ANKS1B: variants seen among roughly 807,000 people sequenced by gnomAD.
ANKS1B encodes ankyrin repeat and sterile alpha motif domain containing 1B.
Under a neutral mutation model 148.3 loss-of-function variants are expected in ANKS1B, and 36 were observed. That is an observed-to-expected ratio of 0.24 (90% confidence interval 0.19 to 0.32). ANKS1B has a LOEUF of 0.32. Ranked by LOEUF, ANKS1B falls within the 10% of genes least tolerant of loss-of-function variation. ANKS1B has a pLI of 1.00. For missense variants in ANKS1B, 1,157 were observed against 1,542.6 expected, an observed-to-expected ratio of 0.75 and a Z score of 4.19; for synonymous variants, 542 against 560.8, an observed-to-expected ratio of 0.97 and a Z score of 0.47.
At chr12:99,833,356 TGAGAGTCA>T (rs914372202) in intron 1 of ANKS1B, among the ~76,000 whole-genome samples, 7 of 151,958 alleles carry the variant, frequency 4.6e-5, no homozygotes, top group Non-Finnish European at 1.0e-4. Flanking sequence ...GTAAACAGAG[TGAGAGTCA>T]GGTTAATTGT....
intron 17 of ANKS1B, among the ~76,000 whole-genome samples, chr12:99,033,124 A>G (rs1050106423): frequency 6.6e-6 from 1 of 152,204 alleles, no homozygotes; most frequent in African/African-American, 2.4e-5. Flanking sequence ...CACCTGGTGA[A>G]CCTTTAAAAA....
chr12:99,933,465 G>C (rs1250120377), intron 1 of ANKS1B, among the ~76,000 whole-genome samples: 2 of 152,008 alleles, frequency 1.3e-5, no homozygotes, highest in African/African-American at 4.8e-5. Flanking sequence ...TTTCACTGTA[G>C]AAATCTTTCA....
chr12:99,887,065 A>G (rs932838388), intron 1 of ANKS1B, among the ~76,000 whole-genome samples: 7 of 152,244 alleles, frequency 4.6e-5, no homozygotes, highest in African/African-American at 1.7e-4. Context: ...GATCTAATGT[A>G]GCATCCTACA....
chr12:99,241,479 A>G (rs763717655), intron 14 of ANKS1B, among the ~76,000 whole-genome samples: 13 of 152,308 alleles, frequency 8.5e-5, no homozygotes, highest in East Asian at 5.8e-4. Flanking sequence ...ACAAAGAGGA[A>G]CTGGTACCAT....
At position 99,432,884 on chromosome 12, in the gene ANKS1B, G is replaced by A. The variant is rs797001217; in HGVS notation, c.1575+10789C>T. ...AAATTAAACAACGTGGAGAACGGTA[G>A]GAGATGGGTTAAGAGGTTTTAGAGA... On this transcript the variant is annotated intron_variant, in intron 11 of 26. Transcript: ENST00000683438. 3.3e-5 allele frequency among the ~76,000 whole-genome samples: 5 copies of A among 152,260 alleles called. No homozygotes were observed. The South Asian group carries it at 6.2e-4, about 19-fold the overall frequency.
intron 17 of ANKS1B, among the ~76,000 whole-genome samples, chr12:98,960,124 T>C (rs1319408596): frequency 6.6e-6 from 1 of 152,114 alleles, no homozygotes; most frequent in Non-Finnish European, 1.5e-5. Flanking sequence ...ACCCTAGGGC[T>C]ATGAGCAAAG....
At chr12:99,292,745 G>GA (rs1206118491) in intron 12 of ANKS1B, among the ~76,000 whole-genome samples, 1 of 152,042 alleles carries the variant, frequency 6.6e-6, no homozygotes, top group African/African-American at 2.4e-5. Flanking sequence ...CAGACACAAG[G>GA]AAAAATGCTC....
chr12:99,249,746 G>A (rs546442618), intron 12 of ANKS1B, among the ~76,000 whole-genome samples: 5 of 152,088 alleles, frequency 3.3e-5, no homozygotes, highest in South Asian at 2.1e-4. Flanking sequence ...CCCTCACAGC[G>A]TGGCCATGTG....
At chr12:99,100,273 T>C (rs1401773258) in intron 15 of ANKS1B, among the ~76,000 whole-genome samples, 2 of 152,238 alleles carry the variant, frequency 1.3e-5, no homozygotes, top group African/African-American at 4.8e-5. Context: ...TTAAAAATTA[T>C]GAGGGCAACA....
At chr12:99,392,355 C>G (rs2094104359) in intron 12 of ANKS1B, among the ~76,000 whole-genome samples, 1 of 152,226 alleles carries the variant, frequency 6.6e-6, no homozygotes, top group South Asian at 2.1e-4. Flanking sequence ...TTTAGTTCTC[C>G]TCTAGTGTTT....
chr12:99,277,941 ATT>A (rs1200165895), intron 12 of ANKS1B, among the ~76,000 whole-genome samples: 1 of 152,248 alleles, frequency 6.6e-6, no homozygotes, highest in African/African-American at 2.4e-5. Flanking sequence ...CTTTGTGATC[ATT>A]CTCAGCAGAT....
intron 25 of ANKS1B, among the ~76,000 whole-genome samples, chr12:98,754,421 T>G (rs1428868459): frequency 6.6e-6 from 1 of 152,168 alleles, no homozygotes; most frequent in Non-Finnish European, 1.5e-5. Context: ...AGGCAGGGCT[T>G]CCGACTTCTG....
chr12:99,080,563 A>T (rs1322772574), intron 16 of ANKS1B, among the ~76,000 whole-genome samples: 1 of 152,236 alleles, frequency 6.6e-6, no homozygotes, highest in African/African-American at 2.4e-5. Flanking sequence ...GAGGGATATG[A>T]AGAGAGCAGA....
chr12:98,982,351 T>G (rs2099912475), intron 17 of ANKS1B, among the ~76,000 whole-genome samples: 1 of 152,072 alleles, frequency 6.6e-6, no homozygotes, highest in African/African-American at 2.4e-5. Flanking sequence ...CTGCAGACTA[T>G]CTTTGGAGTA....
At chr12:99,554,683 G>A (rs1039897608) in intron 9 of ANKS1B, among the ~76,000 whole-genome samples, 3 of 152,146 alleles carry the variant, frequency 2.0e-5, no homozygotes, top group Admixed American at 2.0e-4. Flanking sequence ...GTCCAATATT[G>A]GAATTATTTG....
chr12:99,479,700 G>A (rs2075234560), intron 10 of ANKS1B, among the ~76,000 whole-genome samples: 1 of 151,882 alleles, frequency 6.6e-6, no homozygotes, highest in Admixed American at 6.6e-5. Flanking sequence ...GCAGGGAGTA[G>A]AATAATGGTT....
intron 17 of ANKS1B, among the ~76,000 whole-genome samples, chr12:98,994,031 T>C (rs1162655320): frequency 6.6e-6 from 1 of 152,210 alleles, no homozygotes; most frequent in Non-Finnish European, 1.5e-5. Flanking sequence ...TAAAACACTC[T>C]TACTTTTACA....
intron 22 of ANKS1B, among the ~76,000 whole-genome samples, chr12:98,784,657 TG>T (rs1302001202): frequency 6.6e-6 from 1 of 152,056 alleles, no homozygotes; most frequent in Non-Finnish European, 1.5e-5. Flanking sequence ...AGCAGAAAGC[TG>T]GAACAACAGG....
chr12:99,050,560 C>T (rs562301321), intron 17 of ANKS1B, among the ~76,000 whole-genome samples: 1 of 152,168 alleles, frequency 6.6e-6, no homozygotes, highest in East Asian at 1.9e-4. Context: ...GCCTTAAGGT[C>T]TAAGAGACAG....
Sources: allele counts gnomAD v4.1 joint callset (sites outside exome capture counted in the v4.1 genomes callset), GRCh38; gene constraint gnomAD v4.1.1; transcripts MANE v1.5; gene names NCBI Gene and HGNC (gene_info 2026-07-23, HGNC 2026-07-21).